Variants in VPS45 observed in about 807,000 individuals in gnomAD.
VPS45 encodes vacuolar protein sorting-associated protein 45.
Under a neutral mutation model 75.9 loss-of-function variants are expected in VPS45, and 35 were observed. That is an observed-to-expected ratio of 0.46 (90% CI 0.35 to 0.61). The LOEUF is 0.61. Among genes scored for constraint, VPS45 ranks in the 20% least tolerant of loss-of-function variants. The probability of loss-of-function intolerance (pLI) is 0.00; values close to 1 mark genes in which losing one functional copy is unlikely to be tolerated. For missense variants in VPS45, 559 were observed against 685.9 expected, an observed-to-expected ratio of 0.81 and a Z score of 2.07; for synonymous variants, 220 against 238.2, an observed-to-expected ratio of 0.92 and a Z score of 0.70.
intron 14 of VPS45, among the ~76,000 whole-genome samples, chr1:150,141,705 T>C (rs1659399308): frequency 6.6e-6 from 1 of 152,212 alleles, no homozygotes; most frequent in African/African-American, 2.4e-5. Context: ...ATCCACTCTG[T>C]TAGTTTCTGG....
chr1:150,071,516 G>A (rs1559899348), intron 2 of VPS45, among the ~76,000 whole-genome samples: 1 of 152,206 alleles, frequency 6.6e-6, no homozygotes. Flanking sequence ...GCCAGGCGCA[G>A]TGGCTCATGC....
chr1:150,134,803 C>T (rs1372423631), intron 14 of VPS45, among the ~76,000 whole-genome samples: 6 of 152,032 alleles, frequency 3.9e-5, no homozygotes, highest in East Asian at 1.9e-4. Flanking sequence ...TGTCCATAGA[C>T]GTGAGGTTTT....
At chr1:150,133,762 T>G (rs1295230728) in intron 14 of VPS45, among the ~76,000 whole-genome samples, 1 of 152,210 alleles carries the variant, frequency 6.6e-6, no homozygotes, top group Non-Finnish European at 1.5e-5. Context: ...TTCAGATATG[T>G]TCTCAGATGA....
chr1:150,135,807 T>G (rs587626051), intron 14 of VPS45, among the ~76,000 whole-genome samples: 8 of 151,258 alleles, frequency 5.3e-5, no homozygotes, highest in African/African-American at 1.9e-4. Context: ...CCTGGCTAAT[T>G]TTTGTATTTT....
chr1:150,070,338 C>A (rs1268981000), intron 2 of VPS45, among the ~76,000 whole-genome samples: 2 of 152,198 alleles, frequency 1.3e-5, no homozygotes, highest in East Asian at 3.9e-4. Context: ...TGAACACATG[C>A]TGTGTTATAA....
At chr1:150,093,086 TC>T (rs781972930) in intron 12 of VPS45, among the ~76,000 whole-genome samples, 2 of 152,074 alleles carry the variant, frequency 1.3e-5, no homozygotes, top group African/African-American at 4.8e-5. Flanking sequence ...GACCTTGTGA[TC>T]TGCCCGCCTC....
At chr1:150,118,574 T>A (rs980595157) in intron 14 of VPS45, among the ~76,000 whole-genome samples, 1 of 151,830 alleles carries the variant, frequency 6.6e-6, no homozygotes, top group Non-Finnish European at 1.5e-5. Context: ...CCTGGCTAAT[T>A]TTTGTATTTT....
At chr1:150,079,591 A>ATTT (rs1655581726) in intron 7 of VPS45, among the ~76,000 whole-genome samples, 1 of 152,126 alleles carries the variant, frequency 6.6e-6, no homozygotes, top group Non-Finnish European at 1.5e-5. Context: ...TATTTTTAGT[A>ATTT]CAGACAAGGT....
At chr1:150,099,884 A>G (rs1553803858) in intron 13 of VPS45, among the ~76,000 whole-genome samples, 1 of 151,366 alleles carries the variant, frequency 6.6e-6, no homozygotes, top group Non-Finnish European at 1.5e-5. Flanking sequence ...AGCCAACATC[A>G]TACTGAATGG....
chr1:150,097,566 A>G (rs1656740087), intron 13 of VPS45, among the ~76,000 whole-genome samples: 1 of 151,534 alleles, frequency 6.6e-6, no homozygotes, highest in African/African-American at 2.4e-5. Context: ...TAAAAATGCA[A>G]AAATTAGCCA....
chr1:150,074,409 T>C (rs1655253350), intron 3 of VPS45, among the ~76,000 whole-genome samples: 1 of 152,218 alleles, frequency 6.6e-6, no homozygotes, highest in Non-Finnish European at 1.5e-5. Context: ...TTCATTTCTT[T>C]TTATTGCTGA....
In VPS45 at chr1:150,075,974, G is replaced by A. The variant is rs113324780; in HGVS notation, c.290-259G>A. 8.9e-3 allele frequency among the ~76,000 whole-genome samples: 1,352 copies of A among 151,176 alleles called. 10 individuals carry two copies. The highest frequency in any genetic ancestry group is 0.013 in the Non-Finnish European group (911 of 67,820). On this transcript the variant is annotated intron_variant, in intron 3 of 14. Coordinates refer to ENST00000644510, the MANE Select transcript of VPS45 (RefSeq NM_007259.5). ...TCACCGTGTTAGCCAGGATGGTCTC[G>A]ATCTCCTGACCTCATGATCCACCTG...
intron 13 of VPS45, among the ~76,000 whole-genome samples, chr1:150,106,265 A>C (rs1553805687): frequency 6.6e-6 from 1 of 152,208 alleles, no homozygotes; most frequent in Non-Finnish European, 1.5e-5. Context: ...GTAGGACTTA[A>C]TTAAACTAAA....
chr1:150,077,069 C>T (rs1277053745), intron 5 of VPS45, 25 bp from the exon 6 acceptor site: 32 of 1,613,218 alleles, frequency 2.0e-5, no homozygotes, highest in African/African-American at 2.7e-5. Context: ...AATATTTTCT[C>T]TGAATATATG....
In VPS45 at chr1:150,093,573, C is replaced by A. The variant is rs1553802469; in HGVS notation, c.1418C>A (p.Thr473Asn). ...YTQHQPFLHETLDHLIKGRLK... is the reference protein window; with the variant it reads ...YTQHQPFLHENLDHLIKGRLK... ...CAGCATCAACCTTTCCTACATGAAA[C>A]CCTGGATCATCTCATCAAAGGAAGG... The change falls in exon 13 of 15, where the codon ACC becomes AAC. Residue 473 changes from threonine to asparagine, a missense_variant. Transcript: ENST00000644510. 1 of 1,613,802 alleles carries A rather than the reference C, an allele frequency of 6.2e-7. No individual in the cohort carries two copies. Among genetic ancestry groups the A allele is most frequent in the African/African-American group, 1.3e-5 (1 of 74,880 alleles).
chr1:150,067,990 T>C, intron 1 of VPS45, 40 bp downstream of exon 1: 2 of 1,575,254 alleles, frequency 1.3e-6, no homozygotes, highest in Non-Finnish European at 1.7e-6. Flanking sequence ...AGGAACCCTC[T>C]CAACCTTACA....
intron 14 of VPS45, among the ~76,000 whole-genome samples, chr1:150,127,989 G>C (rs1450255894): frequency 6.6e-6 from 1 of 152,132 alleles, no homozygotes; most frequent in Non-Finnish European, 1.5e-5. Flanking sequence ...TTAAGAGACA[G>C]TGTTGCTCTT....
chr1:150,108,088 C>T (rs1185374051), intron 13 of VPS45, among the ~76,000 whole-genome samples: 1 of 152,110 alleles, frequency 6.6e-6, no homozygotes, highest in Admixed American at 6.5e-5. Context: ...GCTAAAGTGA[C>T]CATCAAGTAA....
At chr1:150,137,430 A>C (rs1659170572) in intron 14 of VPS45, among the ~76,000 whole-genome samples, 1 of 152,232 alleles carries the variant, frequency 6.6e-6, no homozygotes, top group Non-Finnish European at 1.5e-5. Flanking sequence ...TTAGAAGAGA[A>C]TTAGGAGGAA....
Sources: allele counts gnomAD v4.1 joint callset (sites outside exome capture counted in the v4.1 genomes callset), GRCh38; gene constraint gnomAD v4.1.1; transcripts MANE v1.5; gene names NCBI Gene and HGNC (gene_info 2026-07-23, HGNC 2026-07-21).